The following ST6GALNAC3 variants were observed in gnomAD, a reference collection of about 807,000 sequenced individuals.
The protein encoded by ST6GALNAC3 is alpha-N-acetylgalactosaminide alpha-2,6-sialyltransferase 3.
A neutral mutation model predicts 32.7 loss-of-function variants in ST6GALNAC3; 25 were observed. That is an observed-to-expected ratio of 0.76 (90% CI 0.56 to 1.07). The LOEUF is 1.07. Among genes scored for constraint, ST6GALNAC3 ranks in the 50% least tolerant of loss-of-function variants. ST6GALNAC3 has a pLI of 0.00. For synonymous variants in ST6GALNAC3, 129 were observed against 133.1 expected, an observed-to-expected ratio of 0.97 and a Z score of 0.21; for missense variants, 355 against 382.4, an observed-to-expected ratio of 0.93 and a Z score of 0.60.
chr1:76,361,874 A>C (rs912347247), intron 2 of ST6GALNAC3, among the ~76,000 whole-genome samples: 3 of 151,588 alleles, frequency 2.0e-5, no homozygotes, highest in African/African-American at 7.3e-5. Flanking sequence ...GCTACTCGGG[A>C]GGCTGAAGCA....
intron 3 of ST6GALNAC3, among the ~76,000 whole-genome samples, chr1:76,436,134 C>A (rs919014085): frequency 6.6e-6 from 1 of 151,980 alleles, no homozygotes; most frequent in Admixed American, 6.6e-5. Flanking sequence ...ATTTGTAATC[C>A]AATCTCTTTT....
At chr1:76,604,448 A>G (rs956470051) in intron 3 of ST6GALNAC3, among the ~76,000 whole-genome samples, 7 of 152,220 alleles carry the variant, frequency 4.6e-5, no homozygotes, top group African/African-American at 1.7e-4. Flanking sequence ...ATCTCTTGCA[A>G]GGTCTAAGAA....
chr1:76,579,003 C>T (rs537089789), intron 3 of ST6GALNAC3, among the ~76,000 whole-genome samples: 4 of 152,096 alleles, frequency 2.6e-5, no homozygotes, highest in South Asian at 2.1e-4. Flanking sequence ...GTCGTGCTTA[C>T]GTATATTCAT....
chr1:76,097,691 T>C (rs1216924360), intron 1 of ST6GALNAC3, among the ~76,000 whole-genome samples: 1 of 152,210 alleles, frequency 6.6e-6, no homozygotes, highest in African/African-American at 2.4e-5. Context: ...TCATTCATCT[T>C]ACTTGCTATA....
intron 3 of ST6GALNAC3, among the ~76,000 whole-genome samples, chr1:76,520,873 G>C (rs1349489538): frequency 1.3e-5 from 2 of 152,000 alleles, no homozygotes; most frequent in Non-Finnish European, 2.9e-5. Context: ...TTAAAAATTA[G>C]CTTGAAAATA....
intron 1 of ST6GALNAC3, among the ~76,000 whole-genome samples, chr1:76,181,291 G>A (rs954876215): frequency 4.6e-5 from 7 of 152,230 alleles, no homozygotes; most frequent in African/African-American, 1.4e-4. Flanking sequence ...AATGGAAGTG[G>A]AATCCAGGAA....
intron 3 of ST6GALNAC3, among the ~76,000 whole-genome samples, chr1:76,586,621 T>C (rs1312109667): frequency 6.6e-6 from 1 of 152,204 alleles, no homozygotes; most frequent in African/African-American, 2.4e-5. Context: ...GGATTTTAGA[T>C]TTATGTAAGC....
At chr1:76,153,720 CTTTG>C (rs951587845) in intron 1 of ST6GALNAC3, among the ~76,000 whole-genome samples, 12 of 152,256 alleles carry the variant, frequency 7.9e-5, no homozygotes, top group Middle Eastern at 3.4e-3. Context: ...CTAACCATGG[CTTTG>C]TTTGAGTGGC....
At chr1:76,588,176 T>G (rs1646991702) in intron 3 of ST6GALNAC3, among the ~76,000 whole-genome samples, 2 of 152,200 alleles carry the variant, frequency 1.3e-5, no homozygotes, top group South Asian at 4.1e-4. Flanking sequence ...GAATGCTTAG[T>G]AGCCACAGGT....
intron 1 of ST6GALNAC3, chr1:76,307,948 G>C (rs1661163930): frequency 3.9e-6 from 2 of 509,690 alleles, no homozygotes; most frequent in Non-Finnish European, 3.9e-6. Flanking sequence ...CAAGCAGCTA[G>C]AATGCCATGT....
chr1:76,398,708 A>G (rs964614982), intron 2 of ST6GALNAC3, among the ~76,000 whole-genome samples: 2 of 152,184 alleles, frequency 1.3e-5, no homozygotes, highest in African/African-American at 2.4e-5. Flanking sequence ...TTGGTACACA[A>G]AAAGAATACA....
At chr1:76,179,714 T>C (rs1653060254) in intron 1 of ST6GALNAC3, among the ~76,000 whole-genome samples, 1 of 152,190 alleles carries the variant, frequency 6.6e-6, no homozygotes, top group South Asian at 2.1e-4. Context: ...AGCGATCTTA[T>C]CCTGATCTCA....
At chr1:76,342,626 T>G (rs1375041079) in intron 2 of ST6GALNAC3, among the ~76,000 whole-genome samples, 1 of 151,528 alleles carries the variant, frequency 6.6e-6, no homozygotes, top group African/African-American at 2.4e-5. Context: ...ATGGATAGAT[T>G]GCAGAAATTT....
At chr1:76,611,088 C>A (rs1156485640) in intron 3 of ST6GALNAC3, among the ~76,000 whole-genome samples, 2 of 151,858 alleles carry the variant, frequency 1.3e-5, no homozygotes, top group Non-Finnish European at 2.9e-5. Context: ...TATATACACA[C>A]ACACATATAT....
chr1:76,154,714 A>G (rs1651285015), intron 1 of ST6GALNAC3, among the ~76,000 whole-genome samples: 1 of 152,056 alleles, frequency 6.6e-6, no homozygotes, highest in Admixed American at 6.6e-5. Context: ...GATCTTGCTT[A>G]TTTTGGGGAG....
At chr1:76,627,584 A>T (rs780761544) in intron 4 of ST6GALNAC3, 25 bp downstream of exon 4, 2 of 1,494,206 alleles carry the variant, frequency 1.3e-6, no homozygotes, top group South Asian at 2.3e-5. Flanking sequence ...AATTATTTTT[A>T]TGCAGCTCCA....
chr1:76,426,963 G>A (rs1301392073), intron 3 of ST6GALNAC3, among the ~76,000 whole-genome samples: 1 of 151,994 alleles, frequency 6.6e-6, no homozygotes, highest in African/African-American at 2.4e-5. Flanking sequence ...GAACATTGAG[G>A]TGATATAATT....
chr1:76,111,250 C>T (rs918618988), intron 1 of ST6GALNAC3, among the ~76,000 whole-genome samples: 1 of 151,488 alleles, frequency 6.6e-6, no homozygotes, highest in African/African-American at 2.4e-5. Context: ...TAATTGGAAA[C>T]AGCTTGTATG....
intron 2 of ST6GALNAC3, among the ~76,000 whole-genome samples, chr1:76,342,172 G>A (rs752741483): frequency 7.2e-5 from 11 of 152,064 alleles, no homozygotes; most frequent in Admixed American, 3.3e-4. Flanking sequence ...ATAAACATAC[G>A]TGTGTATGTG....
Sources: allele counts gnomAD v4.1 joint callset (sites outside exome capture counted in the v4.1 genomes callset), GRCh38; gene constraint gnomAD v4.1.1; transcripts MANE v1.5; gene names NCBI Gene and HGNC (gene_info 2026-07-23, HGNC 2026-07-21).